The following GDPD1 variants were observed in gnomAD, a reference collection of about 807,000 sequenced individuals.
GDPD1 encodes the protein glycerophosphodiester phosphodiesterase domain containing 1, also known as lysophospholipase D GDPD1.
A neutral mutation model predicts 45.1 loss-of-function variants in GDPD1; 28 were observed. That is an observed-to-expected ratio of 0.62 (90% CI 0.46 to 0.85). The LOEUF (loss-of-function observed/expected upper bound fraction) is 0.85. Among genes scored for constraint, GDPD1 ranks in the 40% least tolerant of loss-of-function variants. GDPD1 has a pLI of 0.00. For synonymous variants in GDPD1, 139 were observed against 131.4 expected, an observed-to-expected ratio of 1.06 and a Z score of -0.40; for missense variants, 256 against 364.8, an observed-to-expected ratio of 0.70 and a Z score of 2.43.
intron 4 of GDPD1, among the ~76,000 whole-genome samples, chr17:59,250,992 C>T (rs2047248950): frequency 1.3e-5 from 2 of 152,188 alleles, no homozygotes; most frequent in Admixed American, 1.3e-4. Flanking sequence ...AAGCATGAGC[C>T]ACCACACCTG....
Position 59,265,458 on chromosome 17 carries a change from G to A in GDPD1, c.577-1583G>A, listed in dbSNP as rs1442658532. Among the ~76,000 whole-genome samples the A allele has an allele frequency of 3.3e-5, 5 of 151,924 alleles. No individual in the cohort carries two copies. The East Asian group carries it at 5.8e-4, about 18-fold the overall frequency. ...GAGTCTGAGGTGTGGGATCACTTGA[G>A]CCTGGGAGATCTAGGCTTCAATGAG... is the stretch of plus-strand genomic sequence containing the variant. On this transcript the variant is annotated intron_variant, in intron 6 of 9. Transcript: ENST00000284116.
rs2047465944 is a variant in GDPD1 at position 59,274,485 on chromosome 17, C to G, written c.*712C>G. ...CCAAGATAGCACCACTGCACTCCAG[C>G]CTGGGAGACAGAGTGAGACTCCGTC... On this transcript the variant is annotated 3_prime_UTR_variant, in exon 10 of 10. Transcript: ENST00000284116. The G allele has an allele frequency of 1.4e-5, 2 of 142,530 alleles. No homozygotes were observed. The highest frequency in any genetic ancestry group is 3.0e-5 in the Non-Finnish European group (2 of 67,018). 8.8% of individuals were successfully genotyped at this position (142,530 alleles called of 1,614,324 possible). A position where few individuals can be genotyped will look rare whatever the true frequency, so the allele number is the denominator to read the frequency against.
intron 2 of GDPD1, among the ~76,000 whole-genome samples, chr17:59,236,799 C>T (rs756889405): frequency 2.6e-5 from 4 of 151,842 alleles, no homozygotes; most frequent in Admixed American, 6.6e-5. Context: ...CGTGAGCCAC[C>T]GCACCCAACC....
At chr17:59,268,699 G>A (rs1466709726) in intron 7 of GDPD1, among the ~76,000 whole-genome samples, 1 of 152,014 alleles carries the variant, frequency 6.6e-6, no homozygotes, top group Non-Finnish European at 1.5e-5. Flanking sequence ...TAATGACTTG[G>A]GGGAAAAAAA....
chr17:59,270,569 T>G (rs1568352555), intron 7 of GDPD1, among the ~76,000 whole-genome samples: 1 of 152,262 alleles, frequency 6.6e-6, no homozygotes, highest in South Asian at 2.1e-4. Context: ...AGTTCCGTTG[T>G]ATGTTTAAAT....
rs75636476 is a variant in GDPD1, at chr17:59,231,967, G to A, written c.143-2525G>A. On this transcript the variant is annotated intron_variant, in intron 1 of 9. Transcript: ENST00000284116. ...AGGAGTTTAGCATGAAGGATGTCTT[G>A]TATACTGTTGCCAATGCTTGGAAAT... is the stretch of plus-strand genomic sequence containing the variant. Among the ~76,000 whole-genome samples the A allele has an allele frequency of 2.6e-5, 4 of 152,254 alleles. No homozygotes were observed. The East Asian group carries it at 7.7e-4, about 29-fold the overall frequency.
intron 1 of GDPD1, among the ~76,000 whole-genome samples, chr17:59,227,817 G>A (rs146044666): frequency 2.0e-5 from 3 of 152,056 alleles, no homozygotes; most frequent in Non-Finnish European, 2.9e-5. Context: ...TCATTATACA[G>A]CATTAATTGT....
intron 2 of GDPD1, among the ~76,000 whole-genome samples, chr17:59,242,305 C>T (rs140539904): frequency 3.5e-4 from 53 of 152,272 alleles, no homozygotes; most frequent in African/African-American, 1.1e-3. Context: ...TCAGTTGATT[C>T]GCCTGCCTTG....
At chr17:59,251,932 A>G (rs1281429329) in intron 4 of GDPD1, among the ~76,000 whole-genome samples, 3 of 142,488 alleles carry the variant, frequency 2.1e-5, no homozygotes, top group East Asian at 2.2e-4. Flanking sequence ...TGCTGAGCCC[A>G]GGAGGTTGAG....
At chr17:59,266,526 G>A (rs949811994) in intron 6 of GDPD1, among the ~76,000 whole-genome samples, 1 of 151,762 alleles carries the variant, frequency 6.6e-6, no homozygotes, top group African/African-American at 2.4e-5. Context: ...ACTTAAAATG[G>A]TGGTTAGATT....
intron 4 of GDPD1, among the ~76,000 whole-genome samples, chr17:59,254,376 A>AAG (rs66533359): frequency 6.2e-5 from 5 of 80,322 alleles, no homozygotes; most frequent in African/African-American, 3.0e-4. Context: ...AAAAAAAAAA[A>AAG]AAAGAAAAGC....
chr17:59,245,556 A>G lies in GDPD1; in HGVS notation c.321+7A>G. On this transcript the variant is annotated splice_region_variant and intron_variant, in intron 3 of 9. Coordinates refer to ENST00000284116, the MANE Select transcript of GDPD1 (RefSeq NM_182569.4). ...CTCTGATCTCAAATACTGTGTAAGT[A>G]AAAATGCATGATAAACTAATATCTA... 1 of 1,596,300 alleles carries G rather than the reference A, an allele frequency of 6.3e-7. No individual in the cohort carries two copies. The highest frequency in any genetic ancestry group is 8.5e-7 in the Non-Finnish European group (1 of 1,172,504).
intron 6 of GDPD1, among the ~76,000 whole-genome samples, chr17:59,262,181 A>G (rs2047362220): frequency 6.6e-6 from 1 of 151,836 alleles, no homozygotes; most frequent in South Asian, 2.1e-4. Flanking sequence ...CGGCCTCCCA[A>G]AGTGCTGGGA....
intron 2 of GDPD1, among the ~76,000 whole-genome samples, chr17:59,238,268 CAAAA>C (rs373144110): frequency 3.7e-5 from 3 of 80,190 alleles, no homozygotes; most frequent in Non-Finnish European, 5.1e-5. Flanking sequence ...AACTCCATCT[CAAAA>C]AAAAAAAAAA....
rs1952965355 is a variant in GDPD1 at position 59,245,546 on chromosome 17, C to T, written c.318C>T (p.Tyr106=). The stretch of plus-strand genomic sequence containing the variant: ...ATGTAAACATCTCTGATCTCAAATA[C>T]TGTGTAAGTAAAAATGCATGATAAA... The part of the protein sequence containing the change: ...GVNVNISDLK[Y]CELPPYLGKL... Residue 106 remains tyrosine, a synonymous_variant, in exon 3 of 10, where the codon TAC becomes TAT. Transcript: ENST00000284116. 1.2e-6 allele frequency: 2 copies of T among 1,603,012 alleles called. No homozygotes were observed. The highest frequency in any genetic ancestry group is 2.7e-5 in the African/African-American group (2 of 74,478).
intron 2 of GDPD1, among the ~76,000 whole-genome samples, chr17:59,238,906 C>T (rs932926372): frequency 6.6e-6 from 1 of 152,086 alleles, no homozygotes; most frequent in East Asian, 1.9e-4. Flanking sequence ...TAGTAAAGCA[C>T]AGAAGCAAAA....
rs1417909593 is a variant in GDPD1 at position 59,274,487 on chromosome 17, T to C, written c.*714T>C. ...AAGATAGCACCACTGCACTCCAGCCTGGGAGACAGAGTGAGACTCCGTCTC... is the reference window on the plus strand; with the variant it reads ...AAGATAGCACCACTGCACTCCAGCCCGGGAGACAGAGTGAGACTCCGTCTC... On this transcript the variant is annotated 3_prime_UTR_variant, in exon 10 of 10. Coordinates refer to ENST00000284116, the MANE Select transcript of GDPD1 (RefSeq NM_182569.4). The C allele has an allele frequency of 8.2e-6, 1 of 122,652 alleles. No individual in the cohort carries two copies. Among genetic ancestry groups the C allele is most frequent in the Non-Finnish European group, 1.6e-5 (1 of 63,128 alleles). 7.6% of individuals were successfully genotyped at this position (122,652 alleles called of 1,614,324 possible).
intron 1 of GDPD1, among the ~76,000 whole-genome samples, chr17:59,223,376 T>G (rs1335543838): frequency 6.6e-6 from 1 of 152,190 alleles, no homozygotes; most frequent in Non-Finnish European, 1.5e-5. Flanking sequence ...TTCATATGCT[T>G]TTGTTGAATA....
intron 6 of GDPD1, among the ~76,000 whole-genome samples, chr17:59,261,496 A>T (rs971788821): frequency 3.3e-5 from 5 of 151,648 alleles, no homozygotes; most frequent in Non-Finnish European, 7.4e-5. Context: ...TTATTTTATT[A>T]TTATTATTAT....
Sources: gnomAD v4.1 joint callset for allele counts (sites outside exome capture counted in the v4.1 genomes callset) on GRCh38, gnomAD v4.1.1 for gene constraint, MANE v1.5 for transcripts, NCBI Gene and HGNC (gene_info 2026-07-23, HGNC 2026-07-21) for gene names.